ADGRB3: variants seen among roughly 807,000 people sequenced by gnomAD.
ADGRB3 encodes brain-specific angiogenesis inhibitor 3.
A neutral mutation model predicts 193.4 loss-of-function variants in ADGRB3; 37 were observed. The ratio of observed to expected loss-of-function variants is 0.19; its 90% confidence interval spans 0.15 to 0.25. The LOEUF (loss-of-function observed/expected upper bound fraction) is 0.25. Ranked by LOEUF, ADGRB3 falls within the 10% of genes least tolerant of loss-of-function variation. The pLI, the probability that ADGRB3 is intolerant of heterozygous loss-of-function variation, is 1.00. For synonymous variants in ADGRB3, 690 were observed against 644.2 expected, an observed-to-expected ratio of 1.07 and a Z score of -1.08; for missense variants, 1,637 against 1,852.9, an observed-to-expected ratio of 0.88 and a Z score of 2.14.
chr6:68,816,482 A>G (rs915954947), intron 3 of ADGRB3, among the ~76,000 whole-genome samples: 1 of 152,042 alleles, frequency 6.6e-6, no homozygotes, highest in Non-Finnish European at 1.5e-5. Context: ...TTTTCTCCTT[A>G]TTCTAATTAG....
At chr6:69,245,740 A>T (rs1279104662) in intron 20 of ADGRB3, among the ~76,000 whole-genome samples, 1 of 152,038 alleles carries the variant, frequency 6.6e-6, no homozygotes, top group African/African-American at 2.4e-5. Context: ...AACCCTGCTT[A>T]TGCACACCTG....
intron 31 of ADGRB3, among the ~76,000 whole-genome samples, chr6:69,385,794 T>A (rs1770057090): frequency 6.6e-6 from 1 of 152,014 alleles, no homozygotes; most frequent in African/African-American, 2.4e-5. Flanking sequence ...TTTGGACAGC[T>A]CCACGGTTCA....
At chr6:68,669,245 T>G (rs572713581) in intron 3 of ADGRB3, among the ~76,000 whole-genome samples, 1 of 151,900 alleles carries the variant, frequency 6.6e-6, no homozygotes, top group Non-Finnish European at 1.5e-5. Flanking sequence ...ACTCTTTTAG[T>G]TTTTTAAAAA....
At chr6:68,979,908 C>T (rs942531915) in intron 10 of ADGRB3, among the ~76,000 whole-genome samples, 1 of 151,372 alleles carries the variant, frequency 6.6e-6, no homozygotes, top group East Asian at 1.9e-4. Context: ...CAAACACACA[C>T]CTGGGGAGAC....
chr6:69,297,110 G>A (rs1767836428), intron 20 of ADGRB3, among the ~76,000 whole-genome samples: 1 of 152,036 alleles, frequency 6.6e-6, no homozygotes, highest in Non-Finnish European at 1.5e-5. Flanking sequence ...AATGGAAACT[G>A]CATAAGAGTT....
Position 68,913,181 on chromosome 6 carries a change from T to C in ADGRB3, c.758-17378T>C, listed in dbSNP as rs539612743. Among the ~76,000 whole-genome samples, 45 of 152,318 alleles carry C rather than the reference T, an allele frequency of 3.0e-4. No individual in the cohort carries two copies. The South Asian group carries it at 8.9e-3, about 30-fold the overall frequency. On this transcript the variant is annotated intron_variant, in intron 3 of 31. Transcript: ENST00000370598. ...CTTAAATGTCCCTGTCTGACAGCTC[T>C]GAAGAGAGCAGTGGTTTTCCAAGCA...
intron 23 of ADGRB3, 84 bp downstream of exon 23, chr6:69,330,656 A>G (rs1768700066): frequency 1.7e-6 from 2 of 1,147,150 alleles, no homozygotes; most frequent in East Asian, 5.0e-5. Flanking sequence ...CAATTTTGAT[A>G]ATGTAGTTCT....
At chr6:69,113,380 GTA>G (rs975430646) in intron 17 of ADGRB3, among the ~76,000 whole-genome samples, 4 of 151,742 alleles carry the variant, frequency 2.6e-5, no homozygotes, top group African/African-American at 9.7e-5. Context: ...GTATATGTAT[GTA>G]TATATGTGTG....
intron 17 of ADGRB3, among the ~76,000 whole-genome samples, chr6:69,079,329 T>C (rs1369865084): frequency 6.6e-6 from 1 of 152,054 alleles, no homozygotes; most frequent in Non-Finnish European, 1.5e-5. Flanking sequence ...TCGGAGAATA[T>C]TTTTTATTCA....
chr6:68,775,664 G>C (rs1433658350), intron 3 of ADGRB3, among the ~76,000 whole-genome samples: 2 of 152,016 alleles, frequency 1.3e-5, no homozygotes, highest in African/African-American at 4.8e-5. Context: ...CAAAACAACA[G>C]GTAAGAATAG....
At chr6:68,785,639 G>A (rs1582199855) in intron 3 of ADGRB3, among the ~76,000 whole-genome samples, 2 of 151,708 alleles carry the variant, frequency 1.3e-5, no homozygotes, top group East Asian at 3.9e-4. Flanking sequence ...GTCTTTATAG[G>A]CACATAATTT....
At chr6:68,672,156 T>A (rs1003073208) in intron 3 of ADGRB3, among the ~76,000 whole-genome samples, 1 of 152,070 alleles carries the variant, frequency 6.6e-6, no homozygotes, top group Non-Finnish European at 1.5e-5. Flanking sequence ...CTCTCTTTTT[T>A]TTTCTTAGTC....
chr6:69,232,844 TA>T (rs2127256880), intron 17 of ADGRB3, among the ~76,000 whole-genome samples: 1 of 152,322 alleles, frequency 6.6e-6, no homozygotes, highest in Admixed American at 6.5e-5. Context: ...ATCCGCATTT[TA>T]AAAGCCAGCA....
intron 30 of ADGRB3, among the ~76,000 whole-genome samples, chr6:69,378,078 C>T (rs1769868748): frequency 6.6e-6 from 1 of 152,068 alleles, no homozygotes; most frequent in South Asian, 2.1e-4. Flanking sequence ...TATTGAGCAC[C>T]TGCTGAATGC....
chr6:68,956,863 A>C lies in ADGRB3; in HGVS notation c.1525+54A>C, dbSNP rs1287339041. On this transcript the variant is annotated intron_variant, in intron 8 of 31. Transcript: ENST00000370598. ...GAAACATTTCATAACGTGAAAAAAA[A>C]AAGATTTAAAAATATTGTCATTGGT... The C allele has an allele frequency of 1.5e-5, 24 of 1,579,462 alleles. No individual in the cohort carries two copies. In the East Asian group the frequency reaches 5.4e-4, roughly 36 times the overall value.
intron 5 of ADGRB3, among the ~76,000 whole-genome samples, chr6:68,941,190 A>G (rs1767632421): frequency 6.6e-6 from 1 of 152,166 alleles, no homozygotes; most frequent in African/African-American, 2.4e-5. Flanking sequence ...ATTAAAAAAT[A>G]TATAACAATT....
At chr6:69,257,484 T>A (rs1445374139) in intron 20 of ADGRB3, among the ~76,000 whole-genome samples, 6 of 152,198 alleles carry the variant, frequency 3.9e-5, no homozygotes, top group Non-Finnish European at 8.8e-5. Context: ...TTCTAGTTTA[T>A]TTGCGTAGAG....
intron 8 of ADGRB3, among the ~76,000 whole-genome samples, chr6:68,962,237 A>G (rs1260368356): frequency 6.6e-6 from 1 of 152,204 alleles, no homozygotes; most frequent in Non-Finnish European, 1.5e-5. Flanking sequence ...AATACCTAAA[A>G]TAGTATCCAA....
intron 17 of ADGRB3, among the ~76,000 whole-genome samples, chr6:69,196,874 T>A (rs1311630062): frequency 6.6e-6 from 1 of 152,120 alleles, no homozygotes; most frequent in Middle Eastern, 3.2e-3. Flanking sequence ...GGCAGTATGA[T>A]GTAGCAGAAG....
Sources: allele counts gnomAD v4.1 joint callset (sites outside exome capture counted in the v4.1 genomes callset), GRCh38; gene constraint gnomAD v4.1.1; transcripts MANE v1.5; gene names NCBI Gene and HGNC (gene_info 2026-07-23, HGNC 2026-07-21).